The following NLGN1 variants were observed in gnomAD, a reference collection of about 807,000 sequenced individuals.
NLGN1 encodes neuroligin-1.
In NLGN1, 12 loss-of-function variants were observed where a neutral mutation model predicts 65.5. The observed-to-expected ratio is 0.18, with a 90% confidence interval of 0.12 to 0.30. The LOEUF (loss-of-function observed/expected upper bound fraction) is 0.30. Ranked by LOEUF, NLGN1 falls within the 10% of genes least tolerant of loss-of-function variation. NLGN1 has a pLI of 1.00. For missense variants in NLGN1, 750 were observed against 1,007.1 expected (o/e 0.74, Z 3.46); for synonymous variants, 350 against 359.5 (o/e 0.97, Z 0.30).
chr3:173,752,376 G>A (rs1400379591), intron 3 of NLGN1, among the ~76,000 whole-genome samples: 1 of 151,826 alleles, frequency 6.6e-6, no homozygotes, highest in Non-Finnish European at 1.5e-5. Context: ...CTTACACCTC[G>A]TCATAAGCAG....
chr3:173,566,446 T>C (rs1190720573), intron 2 of NLGN1, among the ~76,000 whole-genome samples: 1 of 152,194 alleles, frequency 6.6e-6, no homozygotes, highest in East Asian at 1.9e-4. Flanking sequence ...AATTAAATAA[T>C]GCTTGCAAAA....
intron 4 of NLGN1, among the ~76,000 whole-genome samples, chr3:174,114,376 A>G (rs1435802032): frequency 6.6e-6 from 1 of 152,184 alleles, no homozygotes; most frequent in Non-Finnish European, 1.5e-5. Context: ...CAGTAATGTG[A>G]GTGAAGCTGT....
chr3:174,030,306 A>C (rs1317292873), intron 4 of NLGN1, among the ~76,000 whole-genome samples: 2 of 151,722 alleles, frequency 1.3e-5, no homozygotes, highest in Admixed American at 6.6e-5. Context: ...TTGTATTTTT[A>C]GTAGAGATGG....
At chr3:173,753,197 T>C (rs1362207881) in intron 3 of NLGN1, among the ~76,000 whole-genome samples, 1 of 152,140 alleles carries the variant, frequency 6.6e-6, no homozygotes, top group African/African-American at 2.4e-5. Context: ...TTAAATACTG[T>C]CTATGAATTT....
At chr3:173,573,628 C>A (rs1745001104) in intron 2 of NLGN1, among the ~76,000 whole-genome samples, 1 of 150,678 alleles carries the variant, frequency 6.6e-6, no homozygotes, top group Non-Finnish European at 1.5e-5. Flanking sequence ...AGAAGACAGG[C>A]TTTCCTGAGA....
At chr3:173,504,358 T>C (rs1382504242) in intron 2 of NLGN1, among the ~76,000 whole-genome samples, 1 of 152,142 alleles carries the variant, frequency 6.6e-6, no homozygotes, top group African/African-American at 2.4e-5. Flanking sequence ...GATTCTAAAC[T>C]GATAGCTCAT....
At chr3:174,176,002 C>A (rs569240897) in intron 4 of NLGN1, among the ~76,000 whole-genome samples, 3 of 151,724 alleles carry the variant, frequency 2.0e-5, no homozygotes, top group African/African-American at 7.2e-5. Context: ...CATATTAAAT[C>A]TGCCTACTTA....
chr3:173,853,879 A>C (rs1203724264), intron 4 of NLGN1, among the ~76,000 whole-genome samples: 1 of 151,896 alleles, frequency 6.6e-6, no homozygotes, highest in Non-Finnish European at 1.5e-5. Flanking sequence ...ATTAAAATTA[A>C]TATGATTCAT....
At chr3:173,598,493 T>G (rs972856036) in intron 2 of NLGN1, among the ~76,000 whole-genome samples, 3 of 152,126 alleles carry the variant, frequency 2.0e-5, no homozygotes, top group Non-Finnish European at 4.4e-5. Flanking sequence ...ATACCACCGG[T>G]TTAATTTTCT....
chr3:174,210,844 C>T (rs916376607), intron 4 of NLGN1, among the ~76,000 whole-genome samples: 1 of 152,130 alleles, frequency 6.6e-6, no homozygotes. Flanking sequence ...TTTACTGTAC[C>T]TTTTCTAGGT....
intron 4 of NLGN1, among the ~76,000 whole-genome samples, chr3:174,183,094 C>T (rs999682689): frequency 1.2e-4 from 18 of 151,934 alleles, no homozygotes; most frequent in African/African-American, 4.4e-4. Flanking sequence ...CTGCATTCGC[C>T]CAGCTTCACC....
At chr3:173,488,880 T>C (rs985080827) in intron 2 of NLGN1, among the ~76,000 whole-genome samples, 2 of 151,822 alleles carry the variant, frequency 1.3e-5, no homozygotes, top group Non-Finnish European at 1.5e-5. Flanking sequence ...CTGAAACTTT[T>C]ATTAGGTGAT....
chr3:174,277,765 TAAGA>T (rs1249906570), intron 5 of NLGN1, among the ~76,000 whole-genome samples: 2 of 151,940 alleles, frequency 1.3e-5, no homozygotes, highest in Non-Finnish European at 2.9e-5. Context: ...CATATTAGGT[TAAGA>T]AAAATCTAAA....
intron 4 of NLGN1, among the ~76,000 whole-genome samples, chr3:174,043,210 A>T (rs1467313988): frequency 6.6e-6 from 1 of 152,136 alleles, no homozygotes; most frequent in Non-Finnish European, 1.5e-5. Flanking sequence ...ACAATTCAAG[A>T]TGAGATTTGA....
chr3:173,522,355 C>G lies in NLGN1; in HGVS notation c.-320-81924C>G, dbSNP rs193185707. ...CACATTTTGTTTATCCAGTCCACCA[C>G]TGATGGACACTTAGATACTTAGATT... On this transcript the variant is annotated intron_variant, in intron 2 of 6. Coordinates refer to ENST00000457714, the Ensembl canonical transcript of NLGN1. Among the ~76,000 whole-genome samples, 335 of 152,340 alleles carry G rather than the reference C, an allele frequency of 2.2e-3. 2 individuals are homozygous for G. Among genetic ancestry groups the G allele is most frequent in the African/African-American group, 7.3e-3 (304 of 41,576 alleles).
chr3:173,539,445 G>T (rs115339821), intron 2 of NLGN1, among the ~76,000 whole-genome samples: 4,225 of 143,244 alleles, frequency 0.029, 198 homozygotes, highest in African/African-American at 0.098. Flanking sequence ...ATATGTACAT[G>T]TATATACATA....
intron 2 of NLGN1, among the ~76,000 whole-genome samples, chr3:173,600,200 T>TCACACACACACACAC (rs1187383560): frequency 1.7e-4 from 25 of 145,100 alleles, no homozygotes; most frequent in African/African-American, 2.9e-4. Flanking sequence ...TACATGTGTG[T>TCACACACACACACAC]ACACACACAC....
chr3:173,534,823 C>T (rs1737173636), intron 2 of NLGN1, among the ~76,000 whole-genome samples: 1 of 152,154 alleles, frequency 6.6e-6, no homozygotes, highest in African/African-American at 2.4e-5. Flanking sequence ...ATTTCCTTTC[C>T]TCACACCTGC....
At chr3:173,434,015 A>G (rs73883141) in intron 1 of NLGN1, among the ~76,000 whole-genome samples, 4,388 of 152,238 alleles carry the variant, frequency 0.029, 209 homozygotes, top group African/African-American at 0.1. Context: ...ACTGCTTGCT[A>G]TTTAAGCTTA....
Sources: allele counts gnomAD v4.1 joint callset (sites outside exome capture counted in the v4.1 genomes callset), GRCh38; gene constraint gnomAD v4.1.1; transcripts MANE v1.5; gene names NCBI Gene and HGNC (gene_info 2026-07-23, HGNC 2026-07-21).